PIEZO2: variants seen among roughly 807,000 people sequenced by gnomAD.
The protein encoded by PIEZO2 is piezo-type mechanosensitive ion channel component 2.
PIEZO2 carries 172 observed loss-of-function variants against 337.3 expected under a neutral mutation model. That is an observed-to-expected ratio of 0.51 (90% CI 0.45 to 0.58). The LOEUF is 0.58. Ranked by LOEUF, PIEZO2 falls within the 20% of genes least tolerant of loss-of-function variation. The pLI is 0.00. For synonymous variants in PIEZO2, 1,251 were observed against 1,228.5 expected, an observed-to-expected ratio of 1.02 and a Z score of -0.38; for missense variants, 3,028 against 3,391.3, an observed-to-expected ratio of 0.89 and a Z score of 2.66.
At position 10,672,664 on chromosome 18, in the gene PIEZO2, C is replaced by T. The variant is rs1450957451; in HGVS notation, c.8345+26G>A. On this transcript the variant is annotated intron_variant, in intron 55 of 55. Coordinates refer to ENST00000674853, the MANE Select transcript of PIEZO2 (RefSeq NM_001378183.1). This position sits in a 1 kb window ranked among gnomAD's most constrained non-coding sequence, Gnocchi z 4.7. ...ATGATACAGAAGTAGACTCTTGTAA[C>T]TGTGAATTGTTCAATGAGTCCTTAC... The T allele has an allele frequency of 1.2e-6, 2 of 1,601,066 alleles. No homozygotes were observed. The highest frequency in any genetic ancestry group is 1.3e-5 in the African/African-American group (1 of 74,136).
At chr18:10,760,187 C>G (rs1255913606) in intron 24 of PIEZO2, among the ~76,000 whole-genome samples, 1 of 152,236 alleles carries the variant, frequency 6.6e-6, no homozygotes, top group Non-Finnish European at 1.5e-5. Context: ...GAAACATCAC[C>G]ATTCCTACTT....
rs1460153799 is a variant in PIEZO2 at position 10,894,305 on chromosome 18, A to C, written c.329+16881T>G. 2.0e-5 allele frequency among the ~76,000 whole-genome samples: 3 copies of C among 152,028 alleles called. No individual in the cohort carries two copies. The highest frequency in any genetic ancestry group is 6.6e-5 in the Admixed American group (1 of 15,264). On this transcript the variant is annotated intron_variant, in intron 4 of 55. Transcript: ENST00000674853. The surrounding 1 kb of genome is among the most constrained non-coding windows in gnomAD (Gnocchi z 4.1). ...CCTCTGTACTAAAAATACAAAAAAA[A>C]CAGCCAGGCGTGGTGGTGGACGCCT...
rs1445062178 is a variant in PIEZO2, at chr18:10,713,971, T to A, written c.5423+793A>T. ...TTTTCTGGGACAGGCAGTAAGTTGGTCTGCGGTGCAGGAAGAGGCAATGAG... is the reference window on the plus strand; with the variant it reads ...TTTTCTGGGACAGGCAGTAAGTTGGACTGCGGTGCAGGAAGAGGCAATGAG... On this transcript the variant is annotated intron_variant, in intron 39 of 55. Coordinates refer to ENST00000674853, the MANE Select transcript of PIEZO2 (RefSeq NM_001378183.1). This position sits in a 1 kb window ranked among gnomAD's most constrained non-coding sequence, Gnocchi z 4.5. Among the ~76,000 whole-genome samples the A allele has an allele frequency of 6.6e-6, 1 of 152,188 alleles. No homozygotes were observed. Among genetic ancestry groups the A allele is most frequent in the Non-Finnish European group, 1.5e-5 (1 of 68,032 alleles).
chr18:11,073,885 C>G (rs1430044608), intron 1 of PIEZO2, among the ~76,000 whole-genome samples: 2 of 144,132 alleles, frequency 1.4e-5, no homozygotes, highest in Non-Finnish European at 3.0e-5. Context: ...CTGGCTCTGT[C>G]GCCCAGGCTG....
In PIEZO2 at chr18:10,727,067, A is replaced by G. The variant is rs948464565; in HGVS notation, c.5029+4340T>C. On this transcript the variant is annotated intron_variant, in intron 36 of 55. Transcript: ENST00000674853. This position sits in a 1 kb window ranked among gnomAD's most constrained non-coding sequence, Gnocchi z 6.3. ...TGGGGGGTGTTGGGAGGGCAGGAGC[A>G]TTCCTTGAGAAGGAGTGGCAACATC... is the stretch of plus-strand genomic sequence containing the variant. 2.0e-5 allele frequency: 11 copies of G among 540,404 alleles called. No individual in the cohort carries two copies. The highest frequency in any genetic ancestry group is 6.6e-5 in the East Asian group (2 of 30,198). 33.5% of individuals were successfully genotyped at this position (540,404 alleles called of 1,614,324 possible).
At chr18:11,138,462 A>G (rs2040551015) in intron 1 of PIEZO2, among the ~76,000 whole-genome samples, 2 of 152,202 alleles carry the variant, frequency 1.3e-5, no homozygotes, top group African/African-American at 4.8e-5. Flanking sequence ...CACCCAGCTA[A>G]TTTTTGTATT....
At chr18:10,779,427 AAGGATAACTCTGG>A (rs1375759720) in intron 18 of PIEZO2, among the ~76,000 whole-genome samples, 1 of 152,236 alleles carries the variant, frequency 6.6e-6, no homozygotes, top group Non-Finnish European at 1.5e-5. Flanking sequence ...TTAGATCCCA[AAGGATAACTCTGG>A]AGGATAACCT....
intron 2 of PIEZO2, among the ~76,000 whole-genome samples, chr18:11,050,169 G>A (rs186950670): frequency 2.0e-5 from 3 of 152,052 alleles, no homozygotes; most frequent in African/African-American, 7.2e-5. Context: ...CAAGAAACAG[G>A]CGTCTAATTT....
chr18:10,925,415 C>T (rs1036483501), intron 3 of PIEZO2, among the ~76,000 whole-genome samples: 27 of 152,134 alleles, frequency 1.8e-4, no homozygotes, highest in African/African-American at 6.0e-4. Flanking sequence ...GTTGATTGAT[C>T]CCTCAAATAT....
intron 32 of PIEZO2, among the ~76,000 whole-genome samples, chr18:10,741,633 A>G (rs2037221349): frequency 6.6e-6 from 1 of 152,238 alleles, no homozygotes; most frequent in South Asian, 2.1e-4. Flanking sequence ...GCAAGCCTCT[A>G]TAAAAGATCC....
At chr18:11,046,593 C>T (rs1021574613) in intron 2 of PIEZO2, among the ~76,000 whole-genome samples, 17 of 152,230 alleles carry the variant, frequency 1.1e-4, no homozygotes, top group Admixed American at 6.5e-5. Context: ...TCCTTTGCGC[C>T]GTGGCTCCGC....
intron 3 of PIEZO2, among the ~76,000 whole-genome samples, chr18:10,912,237 T>C (rs1033057455): frequency 3.3e-5 from 5 of 152,144 alleles, no homozygotes; most frequent in African/African-American, 1.2e-4. Flanking sequence ...ATTTTCTGAG[T>C]ACCTGATATA....
rs1366183467 is a variant in PIEZO2 at position 10,943,927 on chromosome 18, C to A, written c.287-32699G>T. 6.6e-6 allele frequency among the ~76,000 whole-genome samples: 1 copy of A among 152,166 alleles called. No individual in the cohort carries two copies. The highest frequency in any genetic ancestry group is 6.5e-5 in the Admixed American group (1 of 15,270). Reference sequence around the variant, plus strand: ...CTTTAAAAATGGGAGTTTCTCTGAACAAGCTCTCTCTTTGCCTGCTGCCAT... The same window carrying A: ...CTTTAAAAATGGGAGTTTCTCTGAAAAAGCTCTCTCTTTGCCTGCTGCCAT... On this transcript the variant is annotated intron_variant, in intron 3 of 55. Transcript: ENST00000674853. This position sits in a 1 kb window ranked among gnomAD's most constrained non-coding sequence, Gnocchi z 4.5.
chr18:11,000,989 G>C (rs937478558), intron 2 of PIEZO2, among the ~76,000 whole-genome samples: 1 of 152,186 alleles, frequency 6.6e-6, no homozygotes, highest in Non-Finnish European at 1.5e-5. Flanking sequence ...GCTGTCCCCA[G>C]ACATGAGTGT....
chr18:10,738,775 C>T (rs1248637413), intron 33 of PIEZO2: 1 of 152,126 alleles, frequency 6.6e-6, no homozygotes, highest in Non-Finnish European at 1.5e-5. Context: ...TAAGATGAAG[C>T]TTGGTATTAA....
chr18:10,887,850 G>T lies in PIEZO2; in HGVS notation c.330-16435C>A, dbSNP rs1000309248. The stretch of plus-strand genomic sequence containing the variant: ...TTCTTGCAAAACATACACAGACATG[G>T]TGCTGTACTGCTCTCAGTTCAACAC... On this transcript the variant is annotated intron_variant, in intron 4 of 55. Coordinates refer to ENST00000674853, the MANE Select transcript of PIEZO2 (RefSeq NM_001378183.1). Among the ~76,000 whole-genome samples the T allele has an allele frequency of 2.0e-5, 3 of 152,092 alleles. No homozygotes were observed. The East Asian group carries it at 5.8e-4, about 29-fold the overall frequency.
In PIEZO2 at chr18:10,846,684, GA is replaced by G. The variant is rs1438245835; in HGVS notation, c.917+8668del. 1.3e-5 allele frequency among the ~76,000 whole-genome samples: 2 copies of G among 152,128 alleles called. No individual in the cohort carries two copies. Among genetic ancestry groups the G allele is most frequent in the African/African-American group, 2.4e-5 (1 of 41,422 alleles). On this transcript the variant is annotated intron_variant, in intron 7 of 55. Coordinates refer to ENST00000674853, the MANE Select transcript of PIEZO2 (RefSeq NM_001378183.1). The surrounding 1 kb of genome is among the most constrained non-coding windows in gnomAD (Gnocchi z 4.1). ...TGGTGTTATAAAGCAAGTTTGCACA[GA>G]ATAATTGCCTACAAGATAATTTTCC...
intron 15 of PIEZO2, 35 bp downstream of exon 15, chr18:10,789,044 G>A: frequency 6.6e-7 from 1 of 1,513,192 alleles, no homozygotes. Flanking sequence ...TCCTGGGAGA[G>A]ATGTGAGAAT....
At chr18:10,875,286 TTATAG>T (rs905057897) in intron 4 of PIEZO2, among the ~76,000 whole-genome samples, 1 of 152,200 alleles carries the variant, frequency 6.6e-6, no homozygotes, top group Admixed American at 6.5e-5. Context: ...TACATTTATA[TTATAG>T]TAATGAAATC....
Sources: allele counts gnomAD v4.1 joint callset (sites outside exome capture counted in the v4.1 genomes callset), GRCh38; gene constraint gnomAD v4.1.1; non-coding constraint Gnocchi (gnomAD v3.1); transcripts MANE v1.5; gene names NCBI Gene and HGNC (gene_info 2026-07-23, HGNC 2026-07-21).